RPS6KC1: variants seen among roughly 807,000 people sequenced by gnomAD.
RPS6KC1 encodes the protein inactive ribosomal protein S6 kinase delta-1.
Under a neutral mutation model 103.8 loss-of-function variants are expected in RPS6KC1, and 54 were observed. The ratio of observed to expected loss-of-function variants is 0.52; its 90% CI spans 0.42 to 0.65. The LOEUF (loss-of-function observed/expected upper bound fraction) is 0.65, where lower values mean the gene tolerates loss of function less well. Among genes scored for constraint, RPS6KC1 ranks in the 30% least tolerant of loss-of-function variants. The pLI is 0.00. For missense variants in RPS6KC1, 1,151 were observed against 1,253.8 expected, an observed-to-expected ratio of 0.92 and a Z score of 1.24; for synonymous variants, 439 against 438.7, an observed-to-expected ratio of 1.00 and a Z score of -0.01.
Position 213,176,398 on chromosome 1 carries a change from A to G in RPS6KC1, c.952-2A>G. The G allele has an allele frequency of 6.3e-7, 1 of 1,590,572 alleles. No homozygotes were observed. Among genetic ancestry groups the G allele is most frequent in the Non-Finnish European group, 8.6e-7 (1 of 1,162,644 alleles). On this transcript the variant is annotated splice_acceptor_variant, in intron 7 of 14. Coordinates refer to ENST00000366960, the MANE Select transcript of RPS6KC1 (RefSeq NM_012424.6). LOFTEE classifies it high-confidence loss of function. ...TGTATAATCTTTGATATCTTCCATT[A>G]GCCTCCAGGATCACTAAGTTCAAGG...
chr1:213,583,075 C>T, the RPS6KC1 span, among the ~76,000 whole-genome samples: 82 of 152,296 alleles, frequency 5.4e-4, no homozygotes, highest in Admixed American at 1.6e-3. Context: ...TTGGTCCTTG[C>T]CGTTGCGTGC....
chr1:213,338,770 T>G, the RPS6KC1 span, among the ~76,000 whole-genome samples: 2 of 54,234 alleles, frequency 3.7e-5, no homozygotes, highest in East Asian at 1.2e-3. Context: ...TCTTGCAGCA[T>G]TTTTTTTTTT....
At chr1:213,517,040 G>A in the RPS6KC1 span, among the ~76,000 whole-genome samples, 2 of 152,086 alleles carry the variant, frequency 1.3e-5, no homozygotes, top group African/African-American at 4.8e-5. Context: ...ATTCTCTGAT[G>A]GTAGTTTTTA....
the RPS6KC1 span, among the ~76,000 whole-genome samples, chr1:213,453,368 G>C: frequency 6.6e-6 from 1 of 152,212 alleles, no homozygotes; most frequent in South Asian, 2.1e-4. Flanking sequence ...AGTTGTGGTG[G>C]GAGAGGAGCA....
the RPS6KC1 span, among the ~76,000 whole-genome samples, chr1:213,408,224 G>T: frequency 6.6e-6 from 1 of 152,316 alleles, no homozygotes; most frequent in South Asian, 2.1e-4. Flanking sequence ...CTCAGCAGAT[G>T]GTCCATATGC....
the RPS6KC1 span, among the ~76,000 whole-genome samples, chr1:213,508,913 C>G: frequency 1.3e-5 from 2 of 152,132 alleles, no homozygotes; most frequent in Non-Finnish European, 2.9e-5. Context: ...ACTTCTAACT[C>G]GGTGAATTCA....
chr1:213,509,990 A>G, the RPS6KC1 span, among the ~76,000 whole-genome samples: 9 of 152,342 alleles, frequency 5.9e-5, no homozygotes, highest in East Asian at 1.7e-3. Flanking sequence ...CCATCTGGGC[A>G]GACTGATTCT....
chr1:213,620,128 G>T, the RPS6KC1 span, among the ~76,000 whole-genome samples: 2 of 152,202 alleles, frequency 1.3e-5, no homozygotes, highest in Admixed American at 6.5e-5. Context: ...TGCTGTACAG[G>T]TTGTTCCATT....
the RPS6KC1 span, among the ~76,000 whole-genome samples, chr1:213,729,392 A>G: frequency 6.6e-6 from 1 of 151,984 alleles, no homozygotes; most frequent in Non-Finnish European, 1.5e-5. Flanking sequence ...CCCTCCATTT[A>G]TGGCTGTGAT....
At chr1:213,220,810 C>T (rs1405251525) in intron 8 of RPS6KC1, among the ~76,000 whole-genome samples, 2 of 152,094 alleles carry the variant, frequency 1.3e-5, no homozygotes, top group South Asian at 2.1e-4. Context: ...GCCAGTTATT[C>T]AGTGTTAGAA....
intron 14 of RPS6KC1, among the ~76,000 whole-genome samples, chr1:213,271,044 A>G (rs552588883): frequency 6.6e-6 from 1 of 152,398 alleles, no homozygotes; most frequent in South Asian, 2.1e-4. Context: ...GTTAAACATA[A>G]GCTCATTATG....
the RPS6KC1 span, among the ~76,000 whole-genome samples, chr1:213,325,653 C>T: frequency 6.6e-6 from 1 of 150,726 alleles, no homozygotes; most frequent in South Asian, 2.1e-4. Flanking sequence ...ACTTCCGCTT[C>T]TGGGAAAGAG....
At chr1:213,424,662 T>A in the RPS6KC1 span, among the ~76,000 whole-genome samples, 1 of 152,272 alleles carries the variant, frequency 6.6e-6, no homozygotes, top group Non-Finnish European at 1.5e-5. Context: ...TACCAGCTAC[T>A]GCGACTTTCA....
chr1:213,219,499 C>G lies in RPS6KC1; in HGVS notation c.1045-10998C>G, dbSNP rs143075348. Among the ~76,000 whole-genome samples the G allele has an allele frequency of 7.0e-3, 1,067 of 152,312 alleles. 14 individuals are homozygous for G. The highest frequency in any genetic ancestry group is 0.024 in the African/African-American group (1,009 of 41,554). ...AGAAATACCATTTGATCCAGCCATT[C>G]CATTACCGGGTATATACCCAAAGGA... is the stretch of plus-strand genomic sequence containing the variant. On this transcript the variant is annotated intron_variant, in intron 8 of 14. Transcript: ENST00000366960.
chr1:213,655,936 T>C, the RPS6KC1 span, among the ~76,000 whole-genome samples: 513 of 152,342 alleles, frequency 3.4e-3, 6 homozygotes, highest in African/African-American at 0.012. Context: ...TTCAGTTTGC[T>C]GTTTCTTGAA....
the RPS6KC1 span, among the ~76,000 whole-genome samples, chr1:213,579,400 A>G: frequency 6.6e-6 from 1 of 152,138 alleles, no homozygotes; most frequent in Non-Finnish European, 1.5e-5. Flanking sequence ...AGGTTGATTC[A>G]TGAGGTTTAA....
chr1:213,196,901 A>G (rs570650230), intron 8 of RPS6KC1, among the ~76,000 whole-genome samples: 1 of 152,118 alleles, frequency 6.6e-6, no homozygotes, highest in East Asian at 1.9e-4. Context: ...CAATGGCGCG[A>G]TCTCGGCTCA....
At chr1:213,692,678 G>T in the RPS6KC1 span, among the ~76,000 whole-genome samples, 1 of 152,100 alleles carries the variant, frequency 6.6e-6, no homozygotes, top group Non-Finnish European at 1.5e-5. Context: ...CTTACCAGTC[G>T]ACTGTCCCTA....
chr1:213,733,622 A>G, the RPS6KC1 span, among the ~76,000 whole-genome samples: 1 of 150,304 alleles, frequency 6.7e-6, no homozygotes, highest in Admixed American at 6.7e-5. Flanking sequence ...TTTATATTGC[A>G]AGATTATTTT....
Sources: allele counts gnomAD v4.1 joint callset (sites outside exome capture counted in the v4.1 genomes callset), GRCh38; gene constraint gnomAD v4.1.1; transcripts MANE v1.5; gene names NCBI Gene and HGNC (gene_info 2026-07-23, HGNC 2026-07-21).